The following EXOC4 variants were observed in gnomAD, a reference collection of about 807,000 sequenced individuals.
EXOC4 encodes SEC8-like 1.
In EXOC4, 71 loss-of-function variants were observed where a neutral mutation model predicts 107.2. The observed-to-expected ratio is 0.66, with a 90% CI of 0.55 to 0.81. The LOEUF is 0.81. Ranked by LOEUF, EXOC4 falls within the 30% of genes least tolerant of loss-of-function variation. EXOC4 has a pLI of 0.00. For synonymous variants in EXOC4, 456 were observed against 441.2 expected (o/e 1.03, Z -0.42); for missense variants, 1,108 against 1,189.6 (o/e 0.93, Z 1.01).
In EXOC4 at chr7:133,964,790, A is replaced by G. The variant is rs187984500; in HGVS notation, c.2206+26721A>G. 2.0e-5 allele frequency among the ~76,000 whole-genome samples: 3 copies of G among 152,260 alleles called. No individual in the cohort carries two copies. The East Asian group carries it at 5.8e-4, about 29-fold the overall frequency. Reference sequence around the variant, plus strand: ...TTGTGAACAGTGCTGTCATAAACATACATGTGCATGTATCTTTATAGTAGA... The same window carrying G: ...TTGTGAACAGTGCTGTCATAAACATGCATGTGCATGTATCTTTATAGTAGA... On this transcript the variant is annotated intron_variant, in intron 14 of 17. Transcript: ENST00000253861.
intron 10 of EXOC4, among the ~76,000 whole-genome samples, chr7:133,640,355 A>T (rs1409917074): frequency 6.6e-6 from 1 of 152,210 alleles, no homozygotes; most frequent in African/African-American, 2.4e-5. Flanking sequence ...GGTCATCCAT[A>T]GACTAACAAT....
At chr7:133,331,069 C>T (rs1795375427) in intron 5 of EXOC4, among the ~76,000 whole-genome samples, 2 of 151,948 alleles carry the variant, frequency 1.3e-5, no homozygotes, top group South Asian at 2.1e-4. Flanking sequence ...ATATTTAGAT[C>T]ATTAAATTTA....
chr7:133,759,138 A>C (rs1478550692), intron 10 of EXOC4, among the ~76,000 whole-genome samples: 1 of 143,330 alleles, frequency 7.0e-6, no homozygotes, highest in African/African-American at 2.7e-5. Context: ...ACAAACCAAC[A>C]AAAGAATTTT....
intron 10 of EXOC4, among the ~76,000 whole-genome samples, chr7:133,808,105 G>T (rs572189165): frequency 1.4e-4 from 22 of 152,270 alleles, no homozygotes; most frequent in African/African-American, 4.8e-4. Flanking sequence ...TCAGCAAATT[G>T]TCTCCTACGG....
intron 10 of EXOC4, among the ~76,000 whole-genome samples, chr7:133,812,227 A>G (rs942934331): frequency 1.3e-5 from 2 of 152,200 alleles, no homozygotes; most frequent in East Asian, 1.9e-4. Context: ...TAGTAATTCT[A>G]AAAACCGCAG....
intron 9 of EXOC4, among the ~76,000 whole-genome samples, chr7:133,575,831 C>T (rs1220094780): frequency 2.0e-5 from 3 of 152,140 alleles, no homozygotes; most frequent in Non-Finnish European, 1.5e-5. Context: ...ATGAACCTCT[C>T]CTTGGTCCCA....
At chr7:133,816,198 G>A (rs192287959) in intron 10 of EXOC4, among the ~76,000 whole-genome samples, 15 of 152,290 alleles carry the variant, frequency 9.8e-5, no homozygotes, top group Admixed American at 6.5e-4. Flanking sequence ...TGACTACACT[G>A]TGGTATTGAG....
chr7:134,030,827 A>G (rs1185207043), intron 17 of EXOC4, among the ~76,000 whole-genome samples: 1 of 151,584 alleles, frequency 6.6e-6, no homozygotes, highest in Non-Finnish European at 1.5e-5. Context: ...GGCTCCCAAT[A>G]AGAGAATTTG....
intron 7 of EXOC4, among the ~76,000 whole-genome samples, chr7:133,386,316 C>T (rs771802376): frequency 6.6e-6 from 1 of 152,156 alleles, no homozygotes; most frequent in Non-Finnish European, 1.5e-5. Context: ...CTGGGCCTCC[C>T]ACCATTCCTC....
At chr7:133,455,884 A>G (rs749261315) in intron 7 of EXOC4, among the ~76,000 whole-genome samples, 146 of 152,324 alleles carry the variant, frequency 9.6e-4, no homozygotes, top group Middle Eastern at 3.4e-3. Flanking sequence ...TGCCATGTCT[A>G]TTGTATCCCA....
chr7:133,937,972 C>T lies in EXOC4; in HGVS notation c.2109C>T (p.Asp703=), dbSNP rs1485010562. The T allele has an allele frequency of 3.1e-6, 5 of 1,614,100 alleles. No homozygotes were observed. The highest frequency in any genetic ancestry group is 1.3e-5 in the African/African-American group (1 of 75,030). The change falls in exon 14 of 18, where the codon GAC becomes GAT. Residue 703 remains aspartate (D), a synonymous_variant. Coordinates refer to ENST00000253861, the MANE Select transcript of EXOC4 (RefSeq NM_021807.4). ...TCCCTCCACAAGACATCCTTCGTGACGTCAGTGACCTCAAAGCCTTGGCCA... is the reference window on the plus strand; with the variant it reads ...TCCCTCCACAAGACATCCTTCGTGATGTCAGTGACCTCAAAGCCTTGGCCA... ...KLIPPQDILR[D]VSDLKALANM...
intron 10 of EXOC4, among the ~76,000 whole-genome samples, chr7:133,635,940 C>A (rs919850373): frequency 1.5e-4 from 23 of 152,144 alleles, no homozygotes; most frequent in Non-Finnish European, 2.6e-4. Context: ...AATTCACTGT[C>A]AGAACAGACT....
At chr7:133,269,413 T>G (rs1298895811) in intron 1 of EXOC4, among the ~76,000 whole-genome samples, 1 of 152,252 alleles carries the variant, frequency 6.6e-6, no homozygotes, top group Admixed American at 6.5e-5. Flanking sequence ...GAGCCTCTGA[T>G]TCCTTATCTG....
the EXOC4 span, among the ~76,000 whole-genome samples, chr7:134,093,350 A>G: frequency 6.6e-6 from 1 of 152,144 alleles, no homozygotes; most frequent in East Asian, 1.9e-4. Flanking sequence ...ATGATAAATA[A>G]TCCAATTCAA....
intron 9 of EXOC4, among the ~76,000 whole-genome samples, chr7:133,588,215 A>G (rs1208425394): frequency 6.6e-6 from 1 of 152,262 alleles, no homozygotes; most frequent in Non-Finnish European, 1.5e-5. Context: ...GAACTGGGCC[A>G]TGTGGCAGCA....
chr7:133,825,760 A>G (rs962636699), intron 11 of EXOC4, among the ~76,000 whole-genome samples: 5 of 152,178 alleles, frequency 3.3e-5, no homozygotes, highest in African/African-American at 4.8e-5. Flanking sequence ...AGCTTTTATT[A>G]GTGTAAATAG....
At chr7:133,624,460 C>A (rs894179160) in intron 9 of EXOC4, among the ~76,000 whole-genome samples, 1 of 152,096 alleles carries the variant, frequency 6.6e-6, no homozygotes, top group East Asian at 1.9e-4. Context: ...GTGTGCACCT[C>A]TAGTCTTAGC....
chr7:133,660,912 T>C (rs1803424672), intron 10 of EXOC4, among the ~76,000 whole-genome samples: 1 of 152,210 alleles, frequency 6.6e-6, no homozygotes, highest in South Asian at 2.1e-4. Flanking sequence ...TTTCATGTCT[T>C]ATCTTAATTC....
intron 13 of EXOC4, among the ~76,000 whole-genome samples, chr7:133,935,012 T>C (rs1800266011): frequency 1.3e-5 from 2 of 151,500 alleles, no homozygotes; most frequent in African/African-American, 4.9e-5. Flanking sequence ...AAACTTGAAA[T>C]AGCAGTGGCT....
Sources: allele counts gnomAD v4.1 joint callset (sites outside exome capture counted in the v4.1 genomes callset), GRCh38; gene constraint gnomAD v4.1.1; transcripts MANE v1.5; gene names NCBI Gene and HGNC (gene_info 2026-07-23, HGNC 2026-07-21).